Variants in SHISA6 observed in about 807,000 individuals in gnomAD.
SHISA6 encodes shisa family member 6, also known as protein shisa-6.
SHISA6 carries 22 observed loss-of-function variants against 47.9 expected under a neutral mutation model. The observed-to-expected ratio is 0.46, with a 90% confidence interval of 0.33 to 0.66. The LOEUF (loss-of-function observed/expected upper bound fraction) is 0.66. SHISA6 is among the 30% of genes least tolerant of loss of function. The pLI, the probability that SHISA6 is intolerant of heterozygous loss-of-function variation, is 0.02. For synonymous variants in SHISA6, 388 were observed against 337.8 expected, an observed-to-expected ratio of 1.15 and a Z score of -1.63; for missense variants, 680 against 764.6, an observed-to-expected ratio of 0.89 and a Z score of 1.30.
chr17:11,399,394 ATCCATTG>A (rs1464833878), intron 3 of SHISA6, among the ~76,000 whole-genome samples: 2 of 152,060 alleles, frequency 1.3e-5, no homozygotes, highest in Admixed American at 6.6e-5. Context: ...TTATTTGACT[ATCCATTG>A]TCCATTTTTT....
chr17:11,449,835 C>T (rs114633803), intron 3 of SHISA6, among the ~76,000 whole-genome samples: 213 of 152,326 alleles, frequency 1.4e-3, no homozygotes, highest in African/African-American at 5.0e-3. Flanking sequence ...ATAGATGTTT[C>T]ACACAAGGCT....
chr17:11,551,747 G>A (rs2071933614), intron 3 of SHISA6, 149 bp from the exon 4 acceptor site: 1 of 664,628 alleles, frequency 1.5e-6, no homozygotes, highest in Non-Finnish European at 2.5e-6. Flanking sequence ...GACGTTTCTT[G>A]GAGCCTCATA....
At chr17:11,497,497 G>C (rs909071620) in intron 3 of SHISA6, among the ~76,000 whole-genome samples, 1 of 152,136 alleles carries the variant, frequency 6.6e-6, no homozygotes, top group Non-Finnish European at 1.5e-5. Context: ...GTCTGAGACC[G>C]TGTTGAGAAT....
At chr17:11,377,033 T>C (rs1912824858) in intron 2 of SHISA6, among the ~76,000 whole-genome samples, 1 of 152,214 alleles carries the variant, frequency 6.6e-6, no homozygotes, top group Non-Finnish European at 1.5e-5. Flanking sequence ...AATGGATGGC[T>C]TTGAAAAACA....
intron 2 of SHISA6, among the ~76,000 whole-genome samples, chr17:11,327,035 G>A (rs1463861897): frequency 6.6e-6 from 1 of 152,182 alleles, no homozygotes; most frequent in East Asian, 1.9e-4. Context: ...TGGAGTGGGA[G>A]GAGCCGTAGG....
chr17:11,259,061 T>C (rs781010550), intron 1 of SHISA6, among the ~76,000 whole-genome samples: 8 of 151,702 alleles, frequency 5.3e-5, no homozygotes, highest in Non-Finnish European at 7.4e-5. Flanking sequence ...GAGTGTTGGA[T>C]GGATGGATGA....
At chr17:11,291,296 T>C (rs1909531837) in intron 2 of SHISA6, among the ~76,000 whole-genome samples, 1 of 151,610 alleles carries the variant, frequency 6.6e-6, no homozygotes. Context: ...AGACGGCCTC[T>C]GCATTAGTTG....
At chr17:11,517,373 A>G (rs183119063) in intron 3 of SHISA6, among the ~76,000 whole-genome samples, 1 of 152,246 alleles carries the variant, frequency 6.6e-6, no homozygotes, top group Non-Finnish European at 1.5e-5. Flanking sequence ...TAAGGTGAAC[A>G]TAGAGTAGCT....
At chr17:11,252,998 A>G (rs552444190) in intron 1 of SHISA6, among the ~76,000 whole-genome samples, 20 of 152,362 alleles carry the variant, frequency 1.3e-4, no homozygotes, top group Admixed American at 2.6e-4. Flanking sequence ...ATCAACAGCC[A>G]GCTTCTTACC....
chr17:11,364,187 A>C lies in SHISA6; in HGVS notation c.800-15227A>C, dbSNP rs547062010. 7.9e-5 allele frequency among the ~76,000 whole-genome samples: 12 copies of C among 152,298 alleles called. No individual in the cohort carries two copies. In the East Asian group the frequency reaches 1.9e-3, roughly 24 times the overall value. ...CTTAATGGATTTTTCCTATCTATTC[A>C]ACTATCCATCTCCCCCTTATCCAGC... On this transcript the variant is annotated intron_variant, in intron 2 of 5. Coordinates refer to ENST00000441885, the MANE Select transcript of SHISA6 (RefSeq NM_207386.4).
At chr17:11,274,563 C>G (rs1249786418) in intron 2 of SHISA6, among the ~76,000 whole-genome samples, 2 of 152,158 alleles carry the variant, frequency 1.3e-5, no homozygotes, top group Non-Finnish European at 2.9e-5. Flanking sequence ...ATCTGAGTGG[C>G]CTTTAGCGGT....
chr17:11,495,670 G>C (rs1165488299), intron 3 of SHISA6, among the ~76,000 whole-genome samples: 1 of 152,232 alleles, frequency 6.6e-6, no homozygotes, highest in African/African-American at 2.4e-5. Context: ...CAGACTGCAA[G>C]GATGCAAGGC....
At chr17:11,373,158 T>A (rs1912682925) in intron 2 of SHISA6, among the ~76,000 whole-genome samples, 1 of 152,014 alleles carries the variant, frequency 6.6e-6, no homozygotes, top group Admixed American at 6.6e-5. Context: ...TCTAGAGTTT[T>A]TTTTTCTTTC....
rs188908743 is a variant in SHISA6, at chr17:11,541,103, C to G, written c.896-10793C>G. ...ATAAAATGCAGTAGCTGAACTTGAT[C>G]AAGAGATTTTAAGTTTATTACCAGA... On this transcript the variant is annotated intron_variant, in intron 3 of 5. Coordinates refer to ENST00000441885, the MANE Select transcript of SHISA6 (RefSeq NM_207386.4). Among the ~76,000 whole-genome samples, 447 of 152,240 alleles carry G rather than the reference C, an allele frequency of 2.9e-3. 1 individual carries two copies. The highest frequency in any genetic ancestry group is 6.8e-3 in the Middle Eastern group (2 of 294).
chr17:11,489,154 C>T (rs1916417627), intron 3 of SHISA6, among the ~76,000 whole-genome samples: 1 of 152,048 alleles, frequency 6.6e-6, no homozygotes, highest in Non-Finnish European at 1.5e-5. Flanking sequence ...CCTTATTTGA[C>T]TCCTCAAATT....
chr17:11,483,917 C>T (rs1002041368), intron 3 of SHISA6, among the ~76,000 whole-genome samples: 2 of 152,204 alleles, frequency 1.3e-5, no homozygotes, highest in Non-Finnish European at 2.9e-5. Context: ...GATCACACCA[C>T]AGCACTCCAG....
At chr17:11,555,927 C>G (rs1164942544) in intron 5 of SHISA6, 35 bp downstream of exon 5, 1 of 1,486,434 alleles carries the variant, frequency 6.7e-7, no homozygotes, top group South Asian at 1.4e-5. Context: ...GGGTCTGTCT[C>G]TGGGGCTCCA....
intron 2 of SHISA6, among the ~76,000 whole-genome samples, chr17:11,369,780 C>T (rs945602743): frequency 6.6e-6 from 1 of 152,130 alleles, no homozygotes. Flanking sequence ...CAGTCAGAGA[C>T]AAGAATTTGG....
chr17:11,476,888 T>A (rs925142515), intron 3 of SHISA6, among the ~76,000 whole-genome samples: 21 of 152,202 alleles, frequency 1.4e-4, no homozygotes, highest in African/African-American at 5.1e-4. Context: ...AGTGGATTTA[T>A]CTATTTCTTC....
Sources: gnomAD v4.1 joint callset for allele counts (sites outside exome capture counted in the v4.1 genomes callset) on GRCh38, gnomAD v4.1.1 for gene constraint, MANE v1.5 for transcripts, NCBI Gene and HGNC (gene_info 2026-07-23, HGNC 2026-07-21) for gene names.